Variants in DSCAML1 observed in about 807,000 individuals in gnomAD.
The protein encoded by DSCAML1 is cell adhesion molecule DSCAML1.
A neutral mutation model predicts 200.5 loss-of-function variants in DSCAML1; 38 were observed. The ratio of observed to expected loss-of-function variants is 0.19; its 90% CI spans 0.15 to 0.25. The LOEUF (loss-of-function observed/expected upper bound fraction) is 0.25, where lower values mean the gene tolerates loss of function less well. Among genes scored for constraint, DSCAML1 ranks in the 10% least tolerant of loss-of-function variants. The pLI is 1.00. For missense variants in DSCAML1, 2,223 were observed against 2,858.8 expected (o/e 0.78, Z 5.07); for synonymous variants, 1,215 against 1,165.0 (o/e 1.04, Z -0.87).
rs919333514 is a variant in DSCAML1 at position 117,597,506 on chromosome 11, T to C, written c.512-64984A>G. 2.6e-5 allele frequency among the ~76,000 whole-genome samples: 4 copies of C among 152,204 alleles called. 1 individual carries two copies. The highest frequency in any genetic ancestry group is 6.5e-5 in the Admixed American group (1 of 15,284). On this transcript the variant is annotated intron_variant, in intron 3 of 32. Transcript: ENST00000651296. The stretch of plus-strand genomic sequence containing the variant: ...CTCTCTCACCCAGGCTGGAGTGCAA[T>C]GGCACGATCTGAGCTCACTGCAACC...
intron 3 of DSCAML1, among the ~76,000 whole-genome samples, chr11:117,581,046 T>C (rs866631677): frequency 3.3e-5 from 5 of 152,208 alleles, no homozygotes; most frequent in Admixed American, 6.5e-5. Context: ...CGAGGTAGAA[T>C]GTTTTCAACA....
chr11:117,643,833 CTG>C (rs1591356107), intron 3 of DSCAML1, among the ~76,000 whole-genome samples: 1 of 152,356 alleles, frequency 6.6e-6, no homozygotes, highest in East Asian at 1.9e-4. Context: ...CTGTCACCCT[CTG>C]GGGTGAGCTG....
At position 117,516,335 on chromosome 11, in the gene DSCAML1, G is replaced by A; in HGVS notation, c.1783+132C>T. On this transcript the variant is annotated intron_variant, in intron 8 of 32. Transcript: ENST00000651296. The surrounding 1 kb of genome is among the most constrained non-coding windows in gnomAD (Gnocchi z 5.7). Reference sequence around the variant, plus strand: ...CTGCTCCCTTTTTTCTGAATGCCAAGCTGGGGCCTCTCTTGCTCAGCCTTC... The same window carrying A: ...CTGCTCCCTTTTTTCTGAATGCCAAACTGGGGCCTCTCTTGCTCAGCCTTC... 3.4e-6 allele frequency: 4 copies of A among 1,182,302 alleles called. No individual in the cohort carries two copies. Among genetic ancestry groups the A allele is most frequent in the Non-Finnish European group, 1.2e-6 (1 of 857,084 alleles). The allele number at this position is 1,182,302 out of a possible 1,614,324, so 73.2% of individuals were successfully genotyped here.
chr11:117,544,395 T>G (rs1321290946), intron 3 of DSCAML1, among the ~76,000 whole-genome samples: 1 of 152,152 alleles, frequency 6.6e-6, no homozygotes, highest in African/African-American at 2.4e-5. Context: ...CCTCCCAAGC[T>G]ATTTGTGCTG....
intron 3 of DSCAML1, among the ~76,000 whole-genome samples, chr11:117,677,899 G>A (rs1011697862): frequency 6.6e-6 from 1 of 152,152 alleles, no homozygotes; most frequent in African/African-American, 2.4e-5. Flanking sequence ...CCCCTGTGCT[G>A]CACCGCGCCT....
chr11:117,504,996 C>T lies in DSCAML1; in HGVS notation c.2110G>A (p.Gly704Ser), dbSNP rs761045516. The T allele has an allele frequency of 2.5e-4, 407 of 1,612,748 alleles. No homozygotes were observed. The highest frequency in any genetic ancestry group is 3.3e-4 in the Non-Finnish European group (392 of 1,179,386). Residue 704 changes from glycine (G) to serine (S), a missense_variant, in exon 10 of 33, where the codon GGC becomes AGC. Gly to Ser is a moderately conservative substitution (Grantham distance 56). Around this residue, in one of 7 missense-constraint regions of DSCAML1, gnomAD observed 212 missense variants for 368.0 expected, o/e 0.58. Transcript: ENST00000651296. The surrounding 1 kb of genome is among the most constrained non-coding windows in gnomAD (Gnocchi z 5.0). ...VQPNNQDGIYGKAGVLNCSVD... is the reference protein window; with the variant it reads ...VQPNNQDGIYSKAGVLNCSVD... ...GAGCAGTTGAGCACACCAGCTTTGC[C>T]GTAGATGCCATCCTGGTTGTTGGGT...
At chr11:117,721,404 C>T (rs1230669471) in intron 3 of DSCAML1, among the ~76,000 whole-genome samples, 2 of 152,180 alleles carry the variant, frequency 1.3e-5, no homozygotes, top group Non-Finnish European at 2.9e-5. Flanking sequence ...TCACCCCCTC[C>T]CCCAACCTGG....
rs750143784 is a variant in DSCAML1, at chr11:117,431,625, G to A, written c.5283C>T (p.Thr1761=). 5 of 1,613,368 alleles carry A rather than the reference G, an allele frequency of 3.1e-6. No homozygotes were observed. The highest frequency in any genetic ancestry group is 1.7e-5 in the Admixed American group (1 of 59,958). The stretch of plus-strand genomic sequence containing the variant: ...CCACGGTGCGCCAGTCGGAGGTGAG[G>A]GTGCGGGCAGGTGTGGAGGCCTGGC... The part of the protein sequence containing the change: ...TKCQASTPAR[T]LTSDWRTVGS... Residue 1761 remains threonine, a synonymous_variant, in exon 31 of 33, where the codon ACC becomes ACT. Transcript: ENST00000651296.
In DSCAML1 at chr11:117,732,655, G is replaced by T. The variant is rs368623584; in HGVS notation, c.511+44136C>A. ...CCCAGCCTCCGGACAGAAGGACCAGGCTGCTGTCACTTCTGAAAGGTCTGC... is the reference window on the plus strand; with the variant it reads ...CCCAGCCTCCGGACAGAAGGACCAGTCTGCTGTCACTTCTGAAAGGTCTGC... On this transcript the variant is annotated intron_variant, in intron 3 of 32. Coordinates refer to ENST00000651296, the MANE Select transcript of DSCAML1 (RefSeq NM_020693.4). 1.8e-3 allele frequency among the ~76,000 whole-genome samples: 267 copies of T among 152,250 alleles called. 1 individual carries two copies. The highest frequency in any genetic ancestry group is 6.1e-3 in the African/African-American group (252 of 41,546).
chr11:117,787,969 T>G (rs2055391434), intron 1 of DSCAML1, among the ~76,000 whole-genome samples: 1 of 152,256 alleles, frequency 6.6e-6, no homozygotes, highest in Non-Finnish European at 1.5e-5. Context: ...GATCAACCAG[T>G]AGGGTGATCC....
chr11:117,732,786 AATT>A (rs908063959), intron 3 of DSCAML1, among the ~76,000 whole-genome samples: 36 of 152,198 alleles, frequency 2.4e-4, no homozygotes, highest in African/African-American at 7.7e-4. Flanking sequence ...AAAAGCCAGG[AATT>A]ATTATTATTA....
rs1221943847 is a variant in DSCAML1 at position 117,722,323 on chromosome 11, A to T, written c.511+54468T>A. Among the ~76,000 whole-genome samples, 5 of 150,876 alleles carry T rather than the reference A, an allele frequency of 3.3e-5. No homozygotes were observed. In the East Asian group the frequency reaches 7.8e-4, roughly 23 times the overall value. ...GGGGGAGCTAAAAAAAAAAAAAAAA[A>T]GTTGAGCTCACAGAAGTAGAGAGTG... On this transcript the variant is annotated intron_variant, in intron 3 of 32. Transcript: ENST00000651296.
chr11:117,762,399 TA>T, intron 3 of DSCAML1, among the ~76,000 whole-genome samples: 1 of 152,220 alleles, frequency 6.6e-6, no homozygotes, highest in South Asian at 2.1e-4. Context: ...AGAAGCTGAA[TA>T]AATTCTGCCC....
In DSCAML1 at chr11:117,469,452, G is replaced by C. The variant is rs752634812; in HGVS notation, c.3024+458C>G. Among the ~76,000 whole-genome samples, 7 of 152,184 alleles carry C rather than the reference G, an allele frequency of 4.6e-5. No individual in the cohort carries two copies. Among genetic ancestry groups the C allele is most frequent in the Non-Finnish European group, 1.0e-4 (7 of 68,032 alleles). ...TATATTTTACAGGTCTTTGCCCTTA[G>C]AAATGGCTATAGCACATAGTGGTCT... On this transcript the variant is annotated intron_variant, in intron 16 of 32. Transcript: ENST00000651296. This position sits in a 1 kb window ranked among gnomAD's most constrained non-coding sequence, Gnocchi z 4.1.
intron 3 of DSCAML1, among the ~76,000 whole-genome samples, chr11:117,721,284 C>T (rs545287046): frequency 2.2e-4 from 34 of 152,318 alleles, no homozygotes; most frequent in African/African-American, 7.5e-4. Flanking sequence ...CTCAACTGAA[C>T]CAAAATGTGC....
At chr11:117,594,285 C>T (rs1274229204) in intron 3 of DSCAML1, among the ~76,000 whole-genome samples, 22 of 152,224 alleles carry the variant, frequency 1.4e-4, no homozygotes, top group Admixed American at 1.4e-3. Context: ...AGGCACATAC[C>T]TGTGGGTCTA....
chr11:117,576,060 C>G (rs2137448031), intron 3 of DSCAML1, among the ~76,000 whole-genome samples: 1 of 152,040 alleles, frequency 6.6e-6, no homozygotes, highest in East Asian at 1.9e-4. Context: ...GGCACTTTTT[C>G]CACCAGCGAG....
At chr11:117,474,867 G>A (rs1328883610) in intron 14 of DSCAML1, among the ~76,000 whole-genome samples, 1 of 151,382 alleles carries the variant, frequency 6.6e-6, no homozygotes, top group African/African-American at 2.4e-5. Context: ...CCATTCTCCT[G>A]CCTCAGCCTC....
chr11:117,487,976 G>A (rs959689840), intron 11 of DSCAML1, among the ~76,000 whole-genome samples: 2 of 152,194 alleles, frequency 1.3e-5, no homozygotes, highest in Non-Finnish European at 2.9e-5. Flanking sequence ...CCTTGGGGGT[G>A]CCCGGGTCTC....
Sources: gnomAD v4.1 joint callset for allele counts (sites outside exome capture counted in the v4.1 genomes callset) on GRCh38, gnomAD v4.1.1 for gene constraint, gnomAD v4.1.1 regional missense constraint, Gnocchi (gnomAD v3.1) non-coding constraint, MANE v1.5 for transcripts, NCBI Gene and HGNC (gene_info 2026-07-23, HGNC 2026-07-21) for gene names.